ULK4: variants seen among roughly 807,000 people sequenced by gnomAD.
ULK4 encodes unc-51 like kinase 4.
In ULK4, 133 loss-of-function variants were observed where a neutral mutation model predicts 160.6. The ratio of observed to expected loss-of-function variants is 0.83; its 90% CI spans 0.72 to 0.96. The LOEUF (loss-of-function observed/expected upper bound fraction) is 0.96, where lower values mean the gene tolerates loss of function less well. Ranked by LOEUF, ULK4 falls within the 40% of genes least tolerant of loss-of-function variation. ULK4 has a pLI of 0.00. For synonymous variants in ULK4, 534 were observed against 539.8 expected (o/e 0.99, Z 0.15); for missense variants, 1,580 against 1,499.5 (o/e 1.05, Z -0.89).
chr3:41,727,572 C>T (rs2037693021), intron 22 of ULK4, among the ~76,000 whole-genome samples: 1 of 152,138 alleles, frequency 6.6e-6, no homozygotes, highest in South Asian at 2.1e-4. Context: ...ATGCAACATC[C>T]CAAAGGCAAA....
chr3:41,307,002 A>C (rs1489241399), intron 35 of ULK4, among the ~76,000 whole-genome samples: 10 of 150,902 alleles, frequency 6.6e-5, no homozygotes, highest in Non-Finnish European at 8.9e-5. Context: ...CAGGGACACA[A>C]ACACTGCGGA....
At chr3:41,248,160 A>G (rs180786034) in intron 36 of ULK4, among the ~76,000 whole-genome samples, 20 of 152,284 alleles carry the variant, frequency 1.3e-4, no homozygotes, top group African/African-American at 4.6e-4. Context: ...AGGTGCCTAG[A>G]GCGAAGGGGC....
chr3:41,276,850 C>G (rs2079237767), intron 35 of ULK4, among the ~76,000 whole-genome samples: 1 of 152,032 alleles, frequency 6.6e-6, no homozygotes, highest in Admixed American at 6.6e-5. Flanking sequence ...CTCACAGTAG[C>G]ATACAAATTA....
At chr3:41,263,876 T>A (rs1205737348) in intron 35 of ULK4, among the ~76,000 whole-genome samples, 2 of 152,238 alleles carry the variant, frequency 1.3e-5, no homozygotes, top group Non-Finnish European at 2.9e-5. Flanking sequence ...ACCTATGTGT[T>A]GGACTCTGTT....
intron 22 of ULK4, among the ~76,000 whole-genome samples, chr3:41,742,347 C>T (rs183557021): frequency 1.3e-5 from 2 of 152,106 alleles, no homozygotes; most frequent in East Asian, 3.9e-4. Context: ...TAGAAACAGG[C>T]CATTCTTTAA....
At chr3:41,420,996 C>T (rs560491815) in intron 34 of ULK4, among the ~76,000 whole-genome samples, 63 of 151,862 alleles carry the variant, frequency 4.1e-4, no homozygotes, top group African/African-American at 1.5e-3. Context: ...TGGCTGTAGT[C>T]GCAGCTATTT....
chr3:41,735,946 G>T, intron 22 of ULK4, among the ~76,000 whole-genome samples: 1 of 148,450 alleles, frequency 6.7e-6, no homozygotes, highest in South Asian at 2.1e-4. Context: ...GCGGTGTTTG[G>T]TTTTTTGTCC....
At chr3:41,574,528 C>CTTTTTTTTTTT (rs1559406622) in intron 31 of ULK4, among the ~76,000 whole-genome samples, 1 of 106,286 alleles carries the variant, frequency 9.4e-6, no homozygotes. Flanking sequence ...CTACCAGAGT[C>CTTTTTTTTTTT]CTCTTTTTTT....
intron 21 of ULK4, among the ~76,000 whole-genome samples, chr3:41,761,904 C>A (rs181098021): frequency 6.6e-6 from 1 of 151,906 alleles, no homozygotes; most frequent in Non-Finnish European, 1.5e-5. Flanking sequence ...AGCAAGACCT[C>A]TTCTCTACTT....
intron 31 of ULK4, among the ~76,000 whole-genome samples, chr3:41,589,230 G>A (rs997718515): frequency 6.6e-6 from 1 of 151,946 alleles, no homozygotes; most frequent in African/African-American, 2.4e-5. Context: ...TTCAGACAGA[G>A]ACACAGTGAG....
At chr3:41,492,012 G>A (rs912492628) in intron 32 of ULK4, among the ~76,000 whole-genome samples, 16 of 152,022 alleles carry the variant, frequency 1.1e-4, no homozygotes, top group Admixed American at 9.8e-4. Flanking sequence ...ATAGTTTACT[G>A]AGAATGATGA....
chr3:41,677,865 G>C (rs1349535780), intron 29 of ULK4, among the ~76,000 whole-genome samples: 1 of 152,076 alleles, frequency 6.6e-6, no homozygotes, highest in East Asian at 1.9e-4. Flanking sequence ...CGTTTGAATC[G>C]GTACACTGAG....
intron 22 of ULK4, among the ~76,000 whole-genome samples, chr3:41,734,528 G>A (rs757823831): frequency 2.0e-5 from 3 of 152,114 alleles, no homozygotes; most frequent in Non-Finnish European, 4.4e-5. Flanking sequence ...CATAGGTAGT[G>A]TTTGAAGCCA....
intron 32 of ULK4, among the ~76,000 whole-genome samples, chr3:41,532,427 TTAAC>T (rs557619095): frequency 2.7e-3 from 410 of 152,360 alleles, no homozygotes; most frequent in Non-Finnish European, 4.5e-3. Context: ...TCAGTATTTA[TTAAC>T]TAACATCTAG....
rs541004206 is a variant in ULK4 at position 41,722,412 on chromosome 3, T to G, written c.2322-4551A>C. Among the ~76,000 whole-genome samples the G allele has an allele frequency of 1.9e-4, 29 of 152,238 alleles. No homozygotes were observed. The East Asian group carries it at 5.6e-3, about 29-fold the overall frequency. On this transcript the variant is annotated intron_variant, in intron 22 of 36. Transcript: ENST00000301831. Reference sequence around the variant, plus strand: ...GGGAGGCCATGGCGGGTGGATCACCTGAGGTCAGGAGTTCGAGACCAGCCT... The same window carrying G: ...GGGAGGCCATGGCGGGTGGATCACCGGAGGTCAGGAGTTCGAGACCAGCCT...
chr3:41,663,811 A>C (rs2035264604), intron 29 of ULK4, 112 bp from the exon 30 acceptor site: 1 of 865,718 alleles, frequency 1.2e-6, no homozygotes, highest in Non-Finnish European at 1.8e-6. Context: ...GATATTTTAC[A>C]CACTAATAAA....
intron 30 of ULK4, among the ~76,000 whole-genome samples, chr3:41,645,346 C>T (rs1311083524): frequency 6.6e-6 from 1 of 151,914 alleles, no homozygotes; most frequent in Admixed American, 6.5e-5. Context: ...ATAAATTTCC[C>T]TCTACACACT....
chr3:41,341,615 C>A (rs1350776984), intron 35 of ULK4, among the ~76,000 whole-genome samples: 3 of 151,400 alleles, frequency 2.0e-5, no homozygotes, highest in African/African-American at 7.3e-5. Context: ...AAGGTAAAGA[C>A]CAAGGGAAAA....
chr3:41,689,370 A>G lies in ULK4; in HGVS notation c.2782-7566T>C, dbSNP rs78662466. ...ATACCAGACTTTATTGAGAGTCTGG[A>G]GTAATGGAGGGTTTATAGCAGCAAC... is the stretch of plus-strand genomic sequence containing the variant. On this transcript the variant is annotated intron_variant, in intron 27 of 36. Transcript: ENST00000301831. Among the ~76,000 whole-genome samples, 822 of 152,348 alleles carry G rather than the reference A, an allele frequency of 5.4e-3. 24 individuals carry two copies. The East Asian group carries it at 0.087, about 16-fold the overall frequency.
Sources: gnomAD v4.1 joint callset for allele counts (sites outside exome capture counted in the v4.1 genomes callset) on GRCh38, gnomAD v4.1.1 for gene constraint, MANE v1.5 for transcripts, NCBI Gene and HGNC (gene_info 2026-07-23, HGNC 2026-07-21) for gene names.